LHPP: variants seen among roughly 807,000 people sequenced by gnomAD.
LHPP encodes the protein phospholysine phosphohistidine inorganic pyrophosphate phosphatase.
In LHPP, 24 loss-of-function variants were observed where a neutral mutation model predicts 30.3. The observed-to-expected ratio is 0.79, with a 90% CI of 0.57 to 1.11. The LOEUF is 1.11. Among genes scored for constraint, LHPP ranks in the 50% most tolerant of loss-of-function variants. The pLI is 0.00. For synonymous variants in LHPP, 150 were observed against 157.1 expected (o/e 0.95, Z 0.34); for missense variants, 356 against 367.2 (o/e 0.97, Z 0.25).
At chr10:124,470,812 C>T (rs1369862135) in intron 1 of LHPP, among the ~76,000 whole-genome samples, 3 of 151,972 alleles carry the variant, frequency 2.0e-5, no homozygotes, top group Non-Finnish European at 4.4e-5. Flanking sequence ...CATTTGTTTG[C>T]ATTTGTTTAA....
At chr10:124,465,991 C>T (rs1226893543) in intron 1 of LHPP, among the ~76,000 whole-genome samples, 1 of 152,158 alleles carries the variant, frequency 6.6e-6, no homozygotes, top group Non-Finnish European at 1.5e-5. Context: ...CCACACATTG[C>T]TTGCAGAAGA....
chr10:124,568,784 C>A (rs548819547), intron 6 of LHPP, among the ~76,000 whole-genome samples: 1 of 152,342 alleles, frequency 6.6e-6, no homozygotes, highest in Non-Finnish European at 1.5e-5. Context: ...GTCACCCTCA[C>A]CTCGCCGTTA....
At chr10:124,524,395 G>C (rs1328954807) in intron 6 of LHPP, among the ~76,000 whole-genome samples, 9 of 150,418 alleles carry the variant, frequency 6.0e-5, no homozygotes, top group Non-Finnish European at 1.2e-4. Flanking sequence ...TCCTGCCTCA[G>C]CCTCCCAAGT....
chr10:124,480,558 T>C (rs1589769599), intron 1 of LHPP, among the ~76,000 whole-genome samples: 1 of 152,360 alleles, frequency 6.6e-6, no homozygotes, highest in Admixed American at 6.5e-5. Flanking sequence ...CCCCCTGCAC[T>C]TCTTCACTCA....
intron 1 of LHPP, among the ~76,000 whole-genome samples, chr10:124,470,493 G>C (rs1470251390): frequency 1.3e-5 from 2 of 152,068 alleles, no homozygotes; most frequent in African/African-American, 4.8e-5. Flanking sequence ...ATAAAACGTA[G>C]GTGCCTCCTA....
intron 6 of LHPP, chr10:124,545,910 G>C (rs886662251): frequency 6.6e-6 from 1 of 152,348 alleles, no homozygotes; most frequent in East Asian, 1.9e-4. Flanking sequence ...CGACAGTCAC[G>C]GCGCTGGTGG....
At chr10:124,483,954 C>T (rs527715451) in intron 1 of LHPP, among the ~76,000 whole-genome samples, 185 bp from the exon 2 acceptor site, 13 of 152,176 alleles carry the variant, frequency 8.5e-5, no homozygotes. Flanking sequence ...GAGAAGGGAT[C>T]TGCTTCAGCT....
chr10:124,604,790 C>T (rs12765129), intron 6 of LHPP, among the ~76,000 whole-genome samples: 96,911 of 152,220 alleles, frequency 0.64, 31,165 homozygotes, highest in Non-Finnish European at 0.64. Context: ...CTCCCAGCCA[C>T]TGCCTTTCCA....
intron 6 of LHPP, among the ~76,000 whole-genome samples, chr10:124,530,568 C>T (rs1389297742): frequency 6.6e-6 from 1 of 151,834 alleles, no homozygotes; most frequent in Admixed American, 6.5e-5. Flanking sequence ...ACACTCACGC[C>T]CAGACCCCCC....
chr10:124,566,866 C>T (rs951265480), intron 6 of LHPP, among the ~76,000 whole-genome samples: 2 of 152,194 alleles, frequency 1.3e-5, no homozygotes, highest in Non-Finnish European at 2.9e-5. Flanking sequence ...CTCCCAAGGT[C>T]AGGCCCCATT....
At chr10:124,554,351 C>T (rs1948249445) in intron 6 of LHPP, among the ~76,000 whole-genome samples, 1 of 152,146 alleles carries the variant, frequency 6.6e-6, no homozygotes, top group Non-Finnish European at 1.5e-5. Context: ...TGGCATGCAC[C>T]ACCACACCGG....
intron 6 of LHPP, among the ~76,000 whole-genome samples, chr10:124,578,429 C>T (rs1948697349): frequency 6.6e-6 from 1 of 152,206 alleles, no homozygotes; most frequent in Non-Finnish European, 1.5e-5. Context: ...TCTGCTCACT[C>T]ATTCATCCAT....
At chr10:124,468,678 A>C (rs1952633975) in intron 1 of LHPP, among the ~76,000 whole-genome samples, 1 of 152,108 alleles carries the variant, frequency 6.6e-6, no homozygotes, top group South Asian at 2.1e-4. Flanking sequence ...AGCACCCACA[A>C]ACCTGTTTCC....
intron 5 of LHPP, among the ~76,000 whole-genome samples, chr10:124,503,173 T>C (rs1016081601): frequency 1.3e-5 from 2 of 151,710 alleles, no homozygotes; most frequent in African/African-American, 4.9e-5. Flanking sequence ...TTCAAGCAAT[T>C]CTCCTGCCTC....
chr10:124,474,474 A>G (rs35892199), intron 1 of LHPP, among the ~76,000 whole-genome samples: 20,877 of 152,102 alleles, frequency 0.14, 1,840 homozygotes, highest in Non-Finnish European at 0.19. Context: ...CTCGGTGTAC[A>G]TGCTAAACCA....
intron 6 of LHPP, among the ~76,000 whole-genome samples, chr10:124,573,559 C>T (rs548451964): frequency 2.8e-4 from 43 of 152,380 alleles, no homozygotes; most frequent in Admixed American, 1.4e-3. Flanking sequence ...GATCCTCCTG[C>T]CTTGGCCTCC....
chr10:124,509,680 G>A (rs573185096), intron 5 of LHPP, among the ~76,000 whole-genome samples: 1 of 151,732 alleles, frequency 6.6e-6, no homozygotes, highest in African/African-American at 2.4e-5. Context: ...GTGGGAGCCT[G>A]GGTTCCTTTG....
In LHPP at chr10:124,583,748, C is replaced by T. The variant is rs149803108; in HGVS notation, c.717-29516C>T. ...TGGCACCAAGCCCTGAGAGATCTGC[C>T]CCATGACCCAAACACCTCCCACCAT... On this transcript the variant is annotated intron_variant, in intron 6 of 6. Coordinates refer to ENST00000368842, the MANE Select transcript of LHPP (RefSeq NM_022126.4). 3.5e-4 allele frequency among the ~76,000 whole-genome samples: 54 copies of T among 152,252 alleles called. No homozygotes were observed. In the East Asian group the frequency reaches 9.1e-3, roughly 26 times the overall value.
intron 5 of LHPP, among the ~76,000 whole-genome samples, chr10:124,512,850 C>T (rs973679131): frequency 6.6e-6 from 1 of 152,172 alleles, no homozygotes; most frequent in Non-Finnish European, 1.5e-5. Context: ...CTGGCCACAT[C>T]GGGCCCGCCC....
Sources: allele counts gnomAD v4.1 joint callset (sites outside exome capture counted in the v4.1 genomes callset), GRCh38; gene constraint gnomAD v4.1.1; transcripts MANE v1.5; gene names NCBI Gene and HGNC (gene_info 2026-07-23, HGNC 2026-07-21).